SLC38A10: variants seen among roughly 807,000 people sequenced by gnomAD.
SLC38A10 encodes Sodium-coupled neutral amino acid transporter 10.
In SLC38A10, 53 loss-of-function variants were observed where a neutral mutation model predicts 81.0. The ratio of observed to expected loss-of-function variants is 0.65; its 90% CI spans 0.53 to 0.82. The LOEUF is 0.82. Among genes scored for constraint, SLC38A10 ranks in the 40% least tolerant of loss-of-function variants. SLC38A10 has a pLI of 0.00. For missense variants in SLC38A10, 1,471 were observed against 1,545.0 expected (o/e 0.95, Z 0.80); for synonymous variants, 665 against 655.3 (o/e 1.01, Z -0.23).
rs778843587 is a variant in SLC38A10, at chr17:81,270,231, CCT to C, written c.1131+685_1131+686del. On this transcript the variant is annotated intron_variant, in intron 10 of 15. Coordinates refer to ENST00000374759, the MANE Select transcript of SLC38A10 (RefSeq NM_001037984.3). The surrounding 1 kb of genome is among the most constrained non-coding windows in gnomAD (Gnocchi z 4.0). ...CACCACATTTACAGATGCTCACACCCCTGACACAGGATTCCATTTCTAGAAGG... is the reference window on the plus strand; with the variant it reads ...CACCACATTTACAGATGCTCACACCCGACACAGGATTCCATTTCTAGAAGG... Among the ~76,000 whole-genome samples the C allele has an allele frequency of 6.6e-6, 1 of 152,184 alleles. No individual in the cohort carries two copies. Among genetic ancestry groups the C allele is most frequent in the Non-Finnish European group, 1.5e-5 (1 of 68,038 alleles).
In SLC38A10 at chr17:81,286,164, G is replaced by A. The variant is rs528605497; in HGVS notation, c.218-1269C>T. Among the ~76,000 whole-genome samples, 10 of 152,312 alleles carry A rather than the reference G, an allele frequency of 6.6e-5. No homozygotes were observed. In the South Asian group the frequency reaches 1.7e-3, roughly 25 times the overall value. On this transcript the variant is annotated intron_variant, in intron 2 of 15. Coordinates refer to ENST00000374759, the MANE Select transcript of SLC38A10 (RefSeq NM_001037984.3). This position sits in a 1 kb window ranked among gnomAD's most constrained non-coding sequence, Gnocchi z 6.0. ...ACACCCCTCAGTGACGGCACAGCCCGGAAGCAACAAAACACGGCGCTCCAA... is the reference window on the plus strand; with the variant it reads ...ACACCCCTCAGTGACGGCACAGCCCAGAAGCAACAAAACACGGCGCTCCAA...
Position 81,246,582 on chromosome 17 carries a change from G to A in SLC38A10, c.2334C>T (p.Pro778=), listed in dbSNP as rs1174745247. 5.9e-6 allele frequency: 9 copies of A among 1,517,956 alleles called. No homozygotes were observed. The South Asian group carries it at 1.1e-4, about 18-fold the overall frequency. 94.0% of individuals were successfully genotyped at this position (1,517,956 alleles called of 1,614,324 possible). Residue 778 remains proline (P), a synonymous_variant, in exon 16 of 16, where the codon CCC becomes CCT. Coordinates refer to ENST00000374759, the MANE Select transcript of SLC38A10 (RefSeq NM_001037984.3). ...CTCTGAGGACAGGGTCCAAAGGCAG[G>A]GGAGGCAGATTCTCCACCGTCTCCC... ...KARETVENLP[P]LPLDPVLRAP...
chr17:81,250,349 G>A (rs77757500), intron 14 of SLC38A10, among the ~76,000 whole-genome samples: 8,765 of 152,332 alleles, frequency 0.058, 657 homozygotes, highest in African/African-American at 0.17. Context: ...CAAGGAGGGC[G>A]AGCTGCACCT....
chr17:81,290,650 G>A (rs1281519100), intron 1 of SLC38A10, among the ~76,000 whole-genome samples: 2 of 152,196 alleles, frequency 1.3e-5, no homozygotes, highest in African/African-American at 2.4e-5. Context: ...CCCTCTGGGG[G>A]ATGAAGCTGT....
intron 3 of SLC38A10, 131 bp downstream of exon 3, chr17:81,284,719 T>A: frequency 6.0e-6 from 4 of 666,372 alleles, no homozygotes; most frequent in Non-Finnish European, 9.6e-6. Flanking sequence ...TGGACTTTCA[T>A]GTATTTAGCG....
rs140467717 is a variant in SLC38A10 at position 81,245,326 on chromosome 17, G to A, written c.*230C>T. On this transcript the variant is annotated 3_prime_UTR_variant, in exon 16 of 16. Transcript: ENST00000374759. ...GCTGGAGTGAGCTCAGAGTCTAGAG[G>A]TCAGAGGACCTCAGACTAAGAGCTG... 1.7e-4 allele frequency: 91 copies of A among 548,882 alleles called. 1 individual carries two copies. The highest frequency in any genetic ancestry group is 1.6e-3 in the African/African-American group (81 of 51,282). The allele number at this position is 548,882 out of a possible 1,614,324, so 34.0% of individuals were successfully genotyped here.
rs2063270415 is a variant in SLC38A10 at position 81,286,705 on chromosome 17, T to TACCC, written c.218-1814_218-1811dup. ...GAGGGCGCGGCCTCCATGCAGGGTGTACCCTACCCCAGGTGCAGTCAGATC... is the reference window on the plus strand; with the variant it reads ...GAGGGCGCGGCCTCCATGCAGGGTGTACCCACCCTACCCCAGGTGCAGTCAGATC... On this transcript the variant is annotated intron_variant, in intron 2 of 15. Transcript: ENST00000374759. This position sits in a 1 kb window ranked among gnomAD's most constrained non-coding sequence, Gnocchi z 6.0. Among the ~76,000 whole-genome samples the TACCC allele has an allele frequency of 6.6e-6, 1 of 151,910 alleles. No individual in the cohort carries two copies. The highest frequency in any genetic ancestry group is 2.4e-5 in the African/African-American group (1 of 41,354).
Position 81,277,019 on chromosome 17 carries a change from C to A in SLC38A10, c.729+12G>T. On this transcript the variant is annotated intron_variant, in intron 7 of 15. Coordinates refer to ENST00000374759, the MANE Select transcript of SLC38A10 (RefSeq NM_001037984.3). The surrounding 1 kb of genome is among the most constrained non-coding windows in gnomAD (Gnocchi z 4.5). Reference sequence around the variant, plus strand: ...TGACACAGGGGCGGAGAGGGCGTGGCAAGGCTCTTACCATGACGTAGAAGG... The same window carrying A: ...TGACACAGGGGCGGAGAGGGCGTGGAAAGGCTCTTACCATGACGTAGAAGG... 1.9e-6 allele frequency: 3 copies of A among 1,611,490 alleles called. No individual in the cohort carries two copies. The highest frequency in any genetic ancestry group is 8.5e-7 in the Non-Finnish European group (1 of 1,177,734).
chr17:81,251,860 G>A (rs2062918117), intron 13 of SLC38A10: 2 of 534,276 alleles, frequency 3.7e-6, no homozygotes, highest in East Asian at 6.3e-5. Flanking sequence ...TGCAAGAACT[G>A]TCCTAAGCAG....
At chr17:81,268,411 CT>C (rs112816884) in intron 10 of SLC38A10, among the ~76,000 whole-genome samples, 18 of 148,422 alleles carry the variant, frequency 1.2e-4, no homozygotes, top group African/African-American at 2.7e-4. Flanking sequence ...TCTTTTTTTT[CT>C]TTTTTTTTTG....
intron 11 of SLC38A10, among the ~76,000 whole-genome samples, chr17:81,258,488 T>C (rs1415428591): frequency 6.6e-6 from 1 of 152,094 alleles, no homozygotes; most frequent in Non-Finnish European, 1.5e-5. Flanking sequence ...ATACAGCTGC[T>C]TGCACCGGCC....
At chr17:81,259,610 C>G (rs2063002951) in intron 11 of SLC38A10, among the ~76,000 whole-genome samples, 1 of 152,198 alleles carries the variant, frequency 6.6e-6, no homozygotes, top group African/African-American at 2.4e-5. Flanking sequence ...GCGGCTGCAC[C>G]TGGAAAGCCA....
chr17:81,267,995 G>C, intron 10 of SLC38A10, among the ~76,000 whole-genome samples: 1 of 151,156 alleles, frequency 6.6e-6, no homozygotes, highest in East Asian at 2.0e-4. Flanking sequence ...GGGAGAGAAG[G>C]AAACCTCGGA....
At chr17:81,249,379 GCA>G (rs1267414313) in intron 14 of SLC38A10, among the ~76,000 whole-genome samples, 2 of 99,660 alleles carry the variant, frequency 2.0e-5, no homozygotes, top group South Asian at 3.4e-4. Context: ...GGGAAGAGGA[GCA>G]GGAGGGAGGG....
chr17:81,289,816 G>A lies in SLC38A10; in HGVS notation c.100-8C>T, dbSNP rs1191096987. 1 of 1,580,190 alleles carries A rather than the reference G, an allele frequency of 6.3e-7. No individual in the cohort carries two copies. The highest frequency in any genetic ancestry group is 8.6e-7 in the Non-Finnish European group (1 of 1,164,866). ...CCCCAGGACGATGCCGCACTGCAGG[G>A]TGGAGACAGGAACACATGTTCACAG... On this transcript the variant is annotated splice_polypyrimidine_tract_variant and splice_region_variant and intron_variant, in intron 1 of 15. Coordinates refer to ENST00000374759, the MANE Select transcript of SLC38A10 (RefSeq NM_001037984.3). The surrounding 1 kb of genome is among the most constrained non-coding windows in gnomAD (Gnocchi z 5.9).
In SLC38A10 at chr17:81,282,300, G is replaced by A. The variant is rs776142872; in HGVS notation, c.390C>T (p.Phe130=). The A allele has an allele frequency of 1.2e-5, 20 of 1,612,968 alleles. No homozygotes were observed. The highest frequency in any genetic ancestry group is 5.5e-5 in the South Asian group (5 of 91,078). Reference sequence around the variant, plus strand: ...GGAGCACGATGCACAGCGACACGGCGAACAGCAGGAACATGCGGAAGGTGC... The same window carrying A: ...GGAGCACGATGCACAGCGACACGGCAAACAGCAGGAACATGCGGAAGGTGC... ...VGGTFRMFLL[F]AVSLCIVLPL... Residue 130 remains phenylalanine, a synonymous_variant, in exon 5 of 16, where the codon TTC becomes TTT. Coordinates refer to ENST00000374759, the MANE Select transcript of SLC38A10 (RefSeq NM_001037984.3).
intron 1 of SLC38A10, among the ~76,000 whole-genome samples, chr17:81,292,936 G>C (rs970865262): frequency 6.6e-6 from 1 of 152,160 alleles, no homozygotes; most frequent in African/African-American, 2.4e-5. Context: ...CTGAGATCAG[G>C]AGTTCGAGAC....
chr17:81,255,279 C>A (rs768325800), intron 11 of SLC38A10, among the ~76,000 whole-genome samples: 1 of 152,282 alleles, frequency 6.6e-6, no homozygotes, highest in Non-Finnish European at 1.5e-5. Flanking sequence ...TCATGCCCGG[C>A]GCTCTGCAGC....
In SLC38A10 at chr17:81,286,414, G is replaced by A. The variant is rs955722389; in HGVS notation, c.218-1519C>T. ...CCACCACGCTGAGACACGGCCCCAC[G>A]CGCCTTCTTTTCCCCACCTGGGCCA... is the stretch of plus-strand genomic sequence containing the variant. On this transcript the variant is annotated intron_variant, in intron 2 of 15. Transcript: ENST00000374759. This position sits in a 1 kb window ranked among gnomAD's most constrained non-coding sequence, Gnocchi z 6.0. Among the ~76,000 whole-genome samples, 4 of 152,088 alleles carry A rather than the reference G, an allele frequency of 2.6e-5. No homozygotes were observed. Among genetic ancestry groups the A allele is most frequent in the Non-Finnish European group, 1.5e-5 (1 of 68,016 alleles).
Sources: allele counts gnomAD v4.1 joint callset (sites outside exome capture counted in the v4.1 genomes callset), GRCh38; gene constraint gnomAD v4.1.1; non-coding constraint Gnocchi (gnomAD v3.1); transcripts MANE v1.5; gene names NCBI Gene and HGNC (gene_info 2026-07-23, HGNC 2026-07-21).